Variants in TAFA2 observed in about 807,000 individuals in gnomAD.
TAFA2 encodes chemokine-like protein TAFA-2.
In TAFA2, 7 loss-of-function variants were observed where a neutral mutation model predicts 18.8. The observed-to-expected ratio is 0.37, with a 90% CI of 0.21 to 0.70. The LOEUF (loss-of-function observed/expected upper bound fraction) is 0.70. TAFA2 is among the 30% of genes least tolerant of loss of function. TAFA2 has a pLI of 0.53. For missense variants in TAFA2, 122 were observed against 158.1 expected (o/e 0.77, Z 1.23); for synonymous variants, 60 against 54.2 (o/e 1.11, Z -0.47).
At chr12:61,867,078 T>TA (rs550470718) in intron 2 of TAFA2, among the ~76,000 whole-genome samples, 88 of 152,060 alleles carry the variant, frequency 5.8e-4, no homozygotes, top group Non-Finnish European at 1.1e-3. Flanking sequence ...GAAGGAAAGG[T>TA]AGAGTTCTAT....
intron 1 of TAFA2, among the ~76,000 whole-genome samples, chr12:62,113,512 C>T (rs1869826690): frequency 6.6e-6 from 1 of 152,138 alleles, no homozygotes; most frequent in Non-Finnish European, 1.5e-5. Flanking sequence ...CTTAGCAGAG[C>T]TTGAGTACTG....
At chr12:62,147,884 A>G (rs565953302) in intron 1 of TAFA2, among the ~76,000 whole-genome samples, 17 of 152,168 alleles carry the variant, frequency 1.1e-4, no homozygotes, top group Non-Finnish European at 2.1e-4. Context: ...AATAACCGCA[A>G]TAAGAAGTTG....
chr12:62,041,223 T>A (rs1881748927), intron 1 of TAFA2, among the ~76,000 whole-genome samples: 1 of 152,182 alleles, frequency 6.6e-6, no homozygotes, highest in South Asian at 2.1e-4. Flanking sequence ...AGGTGTCTTA[T>A]CCACCTTTCA....
At position 62,053,309 on chromosome 12, in the gene TAFA2, C is replaced by T. The variant is rs79718708; in HGVS notation, c.-2+137950G>A. On this transcript the variant is annotated intron_variant, in intron 1 of 4. Transcript: ENST00000416284. ...TGTTTTGTTAGCATAAGATGCTGCTCTAAATACATATATTTAATATTCTGG... is the reference window on the plus strand; with the variant it reads ...TGTTTTGTTAGCATAAGATGCTGCTTTAAATACATATATTTAATATTCTGG... Among the ~76,000 whole-genome samples, 30 of 152,134 alleles carry T rather than the reference C, an allele frequency of 2.0e-4. No homozygotes were observed. The East Asian group carries it at 5.6e-3, about 28-fold the overall frequency.
intron 1 of TAFA2, among the ~76,000 whole-genome samples, chr12:62,148,043 T>C (rs770426916): frequency 6.7e-6 from 1 of 148,322 alleles, no homozygotes; most frequent in Non-Finnish European, 1.5e-5. Context: ...GAATGGCTAT[T>C]ACTAAAAAGT....
intron 1 of TAFA2, among the ~76,000 whole-genome samples, chr12:62,015,903 G>A (rs1352199080): frequency 6.6e-6 from 1 of 152,164 alleles, no homozygotes; most frequent in Non-Finnish European, 1.5e-5. Flanking sequence ...TAGGAGAATG[G>A]GGATTTGTAT....
At chr12:61,866,936 T>C (rs956718962) in intron 2 of TAFA2, among the ~76,000 whole-genome samples, 2 of 152,026 alleles carry the variant, frequency 1.3e-5, no homozygotes, top group African/African-American at 4.8e-5. Context: ...CCAGGGTAAA[T>C]TTTATTTTAT....
At chr12:62,237,608 G>A (rs916547269) in intron 1 of TAFA2, among the ~76,000 whole-genome samples, 1 of 152,150 alleles carries the variant, frequency 6.6e-6, no homozygotes, top group Non-Finnish European at 1.5e-5. Flanking sequence ...AAACATACAT[G>A]TGTTGCTTCA....
intron 1 of TAFA2, among the ~76,000 whole-genome samples, chr12:61,954,667 T>A (rs191001905): frequency 1.2e-4 from 18 of 152,274 alleles, no homozygotes; most frequent in Non-Finnish European, 2.1e-4. Flanking sequence ...GAATCCTTCA[T>A]GTAACTTTGT....
At chr12:61,955,452 A>C (rs921199609) in intron 1 of TAFA2, among the ~76,000 whole-genome samples, 4 of 150,506 alleles carry the variant, frequency 2.7e-5, no homozygotes, top group Non-Finnish European at 1.5e-5. Context: ...AAATACAAAA[A>C]TTAGCTGGGC....
intron 1 of TAFA2, among the ~76,000 whole-genome samples, chr12:62,062,477 C>T (rs958699566): frequency 3.3e-5 from 5 of 152,100 alleles, no homozygotes; most frequent in South Asian, 4.2e-4. Context: ...GTAGTACAGA[C>T]GCCAAGCCAC....
chr12:62,169,111 A>G lies in TAFA2; in HGVS notation c.-2+22148T>C, dbSNP rs2136938600. ...ATTGTGGTTAAATATTTTCTGGAAG[A>G]GTCATTATCTTTTAGAGAGATACTG... On this transcript the variant is annotated intron_variant, in intron 1 of 4. Transcript: ENST00000416284. 2.0e-5 allele frequency among the ~76,000 whole-genome samples: 3 copies of G among 152,346 alleles called. No individual in the cohort carries two copies. The South Asian group carries it at 6.2e-4, about 32-fold the overall frequency.
intron 1 of TAFA2, among the ~76,000 whole-genome samples, chr12:62,024,812 C>T (rs1881261617): frequency 6.6e-6 from 1 of 152,046 alleles, no homozygotes; most frequent in African/African-American, 2.4e-5. Context: ...CATGAACAGA[C>T]ACTTCTCAAA....
intron 2 of TAFA2, among the ~76,000 whole-genome samples, chr12:61,767,352 A>T (rs952620094): frequency 6.6e-6 from 1 of 152,132 alleles, no homozygotes; most frequent in African/African-American, 2.4e-5. Flanking sequence ...ATATGTAAAA[A>T]ATTTAGATGA....
intron 1 of TAFA2, among the ~76,000 whole-genome samples, chr12:62,197,912 T>C (rs181780642): frequency 6.6e-6 from 1 of 152,312 alleles, no homozygotes; most frequent in Admixed American, 6.5e-5. Context: ...GCTATGAACA[T>C]TTGTGAAGAA....
At chr12:62,114,358 C>T (rs929282939) in intron 1 of TAFA2, among the ~76,000 whole-genome samples, 6 of 152,124 alleles carry the variant, frequency 3.9e-5, no homozygotes, top group African/African-American at 1.4e-4. Context: ...GAGCTGGGTA[C>T]CTCAGTTAGA....
At chr12:61,986,135 A>T (rs1394790248) in intron 1 of TAFA2, among the ~76,000 whole-genome samples, 1 of 147,608 alleles carries the variant, frequency 6.8e-6, no homozygotes, top group Non-Finnish European at 1.5e-5. Context: ...GACAGAATCT[A>T]GACATAGACA....
chr12:62,146,109 T>A (rs543790143), intron 1 of TAFA2, among the ~76,000 whole-genome samples: 1 of 152,216 alleles, frequency 6.6e-6, no homozygotes, highest in African/African-American at 2.4e-5. Flanking sequence ...CTAACATCTA[T>A]CCTGGAGTAA....
At chr12:62,122,255 TC>T (rs1413580040) in intron 1 of TAFA2, among the ~76,000 whole-genome samples, 1 of 152,206 alleles carries the variant, frequency 6.6e-6, no homozygotes. Context: ...CTGATTTACC[TC>T]AATGAATCCG....
Sources: allele counts gnomAD v4.1 joint callset (sites outside exome capture counted in the v4.1 genomes callset), GRCh38; gene constraint gnomAD v4.1.1; transcripts MANE v1.5; gene names NCBI Gene and HGNC (gene_info 2026-07-23, HGNC 2026-07-21).